Variants in ZNF83 observed in about 807,000 individuals in gnomAD.
ZNF83 encodes the protein zinc finger protein 83, also known as zinc finger protein 816B.
For synonymous variants in ZNF83, 209 were observed against 213.0 expected (o/e 0.98, Z 0.17); for missense variants, 552 against 629.9 (o/e 0.88, Z 1.32).
At chr19:52,666,038 C>T (rs560519503) in intron 1 of ZNF83, among the ~76,000 whole-genome samples, 1 of 151,552 alleles carries the variant, frequency 6.6e-6, no homozygotes, top group African/African-American at 2.4e-5. Context: ...GTGATGGGTG[C>T]CTGTAGTCCC....
At chr19:52,676,116 A>G (rs954012119) in intron 1 of ZNF83, among the ~76,000 whole-genome samples, 2 of 152,068 alleles carry the variant, frequency 1.3e-5, no homozygotes, top group African/African-American at 4.8e-5. Context: ...GAGTGCCTGC[A>G]ATTGCAGGCG....
At chr19:52,657,407 G>A (rs913935488) in intron 2 of ZNF83, among the ~76,000 whole-genome samples, 4 of 151,906 alleles carry the variant, frequency 2.6e-5, no homozygotes, top group African/African-American at 7.3e-5. Flanking sequence ...TCAGCAGTTC[G>A]GAGACCAGCC....
chr19:52,688,645 C>A (rs184364875), intron 1 of ZNF83, among the ~76,000 whole-genome samples: 4 of 152,104 alleles, frequency 2.6e-5, no homozygotes, highest in Admixed American at 2.0e-4. Context: ...TCTTCCACCT[C>A]TTCTGCTCCA....
At chr19:52,651,796 T>A (rs187216895) in intron 3 of ZNF83, 370 of 154,224 alleles carry the variant, frequency 2.4e-3, no homozygotes, top group Non-Finnish European at 4.0e-3. Context: ...CTCAAACTGC[T>A]GACCTCAAGT....
At chr19:52,613,008 G>A in exon 3 of ZNF83, 1 of 1,574,376 alleles carries the variant, frequency 6.4e-7, no homozygotes, top group East Asian at 2.2e-5. Context: ...TGAACACTCT[G>A]CCACATTAAT....
exon 3 of ZNF83, chr19:52,612,891 GTTA>G (rs909975485): frequency 2.5e-5 from 20 of 794,990 alleles, no homozygotes; most frequent in Non-Finnish European, 3.7e-5. Context: ...CTAGCTAACG[GTTA>G]TTAAGCCTTG....
At chr19:52,617,728 CAAAAAAAAAA>C (rs60669262) in intron 2 of ZNF83, 27,488 of 118,968 alleles carry the variant, frequency 0.23, 3,049 homozygotes, top group Middle Eastern at 0.32. Context: ...GAGATTGTCT[CAAAAAAAAAA>C]AAAAAAAAAA....
intron 1 of ZNF83, chr19:52,636,251 G>C (rs1157075573): frequency 2.0e-5 from 3 of 152,162 alleles, no homozygotes; most frequent in African/African-American, 7.2e-5. Context: ...GGAGGACCAG[G>C]CTGCAGTTAA....
At chr19:52,634,681 C>T (rs1387091437) in intron 2 of ZNF83, among the ~76,000 whole-genome samples, 2 of 152,148 alleles carry the variant, frequency 1.3e-5, no homozygotes, top group Admixed American at 6.5e-5. Flanking sequence ...CCACATACTT[C>T]GTGGACATTA....
chr19:52,639,824 A>G (rs1370898027), upstream of ZNF83, among the ~76,000 whole-genome samples: 1 of 152,208 alleles, frequency 6.6e-6, no homozygotes, highest in Admixed American at 6.5e-5. Context: ...TAATAGTGAA[A>G]GAAATAAAAA....
At chr19:52,646,854 G>C (rs999061103) in intron 3 of ZNF83, among the ~76,000 whole-genome samples, 2 of 152,172 alleles carry the variant, frequency 1.3e-5, no homozygotes, top group Non-Finnish European at 2.9e-5. Flanking sequence ...TGATGCATCT[G>C]CAAGGTCACA....
At chr19:52,645,731 C>T (rs932120304) in intron 3 of ZNF83, among the ~76,000 whole-genome samples, 9 of 151,064 alleles carry the variant, frequency 6.0e-5, no homozygotes, top group Admixed American at 5.3e-4. Context: ...CACTTGAACC[C>T]GGGAGACAGA....
chr19:52,663,843 C>T (rs770319011), intron 1 of ZNF83, among the ~76,000 whole-genome samples: 1 of 152,146 alleles, frequency 6.6e-6, no homozygotes, highest in Admixed American at 6.5e-5. Context: ...AATGTGATGT[C>T]GTAAGATTCT....
At position 52,683,256 on chromosome 19, in the gene ZNF83, GTGTGTGTGTGTGTGTGTGTGTGTGTA is replaced by G. The variant is rs1332382940; in HGVS notation, c.-283+7161_-283+7186del. Among the ~76,000 whole-genome samples the G allele has an allele frequency of 4.2e-3, 614 of 146,902 alleles. 3 individuals carry two copies. Among genetic ancestry groups the G allele is most frequent in the African/African-American group, 0.014 (561 of 39,284 alleles). ...TGTGTGTGTGTGTGTGTGTGTGTGTGTGTGTGTGTGTGTGTGTGTGTGTGTATGCTCACGTGTTGTGACAGGCAAGG... is the reference window on the plus strand; with the variant it reads ...TGTGTGTGTGTGTGTGTGTGTGTGTGTGCTCACGTGTTGTGACAGGCAAGG... On this transcript the variant is annotated intron_variant, in intron 1 of 5. Coordinates refer to the ZNF83 transcript ENST00000594682.
intron 2 of ZNF83, among the ~76,000 whole-genome samples, chr19:52,634,703 C>A (rs2061087101): frequency 6.6e-6 from 1 of 152,286 alleles, no homozygotes; most frequent in Non-Finnish European, 1.5e-5. Context: ...TACGTGACTT[C>A]CATTGGCAGC....
At chr19:52,680,803 G>A (rs374601505) in intron 1 of ZNF83, among the ~76,000 whole-genome samples, 7 of 148,326 alleles carry the variant, frequency 4.7e-5, no homozygotes, top group African/African-American at 7.6e-5. Context: ...TAGTAGAGAC[G>A]GGGTTTCACC....
intron 3 of ZNF83, chr19:52,654,237 T>A (rs549586832): frequency 2.2e-5 from 34 of 1,577,664 alleles, no homozygotes; most frequent in Middle Eastern, 3.4e-4. Flanking sequence ...TTCTTTTAAT[T>A]TCTTGCCACT....
At chr19:52,665,223 G>A (rs1311137236) in intron 1 of ZNF83, among the ~76,000 whole-genome samples, 1 of 152,028 alleles carries the variant, frequency 6.6e-6, no homozygotes, top group Non-Finnish European at 1.5e-5. Flanking sequence ...GAGGGCTCAG[G>A]CCAGGGAGGA....
intron 3 of ZNF83, among the ~76,000 whole-genome samples, chr19:52,644,407 C>T (rs757483563): frequency 1.3e-5 from 2 of 152,034 alleles, no homozygotes; most frequent in African/African-American, 2.4e-5. Context: ...ACCGAGTTAC[C>T]CTGAGAAGGT....
Sources: allele counts gnomAD v4.1 joint callset (sites outside exome capture counted in the v4.1 genomes callset), GRCh38; gene constraint gnomAD v4.1.1; transcripts MANE v1.5; gene names NCBI Gene and HGNC (gene_info 2026-07-23, HGNC 2026-07-21).